The following APP variants were observed in gnomAD, a reference collection of about 807,000 sequenced individuals.
APP encodes the protein amyloid-beta precursor protein.
In APP, 31 loss-of-function variants were observed where a neutral mutation model predicts 101.4. The ratio of observed to expected loss-of-function variants is 0.31; its 90% CI spans 0.23 to 0.41. The LOEUF is 0.41. Ranked by LOEUF, APP falls within the 10% of genes least tolerant of loss-of-function variation. The pLI is 1.00. For missense variants in APP, 839 were observed against 1,003.7 expected, an observed-to-expected ratio of 0.84 and a Z score of 2.22; for synonymous variants, 366 against 364.4, an observed-to-expected ratio of 1.00 and a Z score of -0.05.
At chr21:26,119,978 CT>C (rs1264721303) in intron 1 of APP, among the ~76,000 whole-genome samples, 2 of 152,158 alleles carry the variant, frequency 1.3e-5, no homozygotes, top group African/African-American at 4.8e-5. Flanking sequence ...AAATCAAAAT[CT>C]ATTATTCCTC....
intron 8 of APP, among the ~76,000 whole-genome samples, chr21:25,986,058 T>G (rs540359139): frequency 1.3e-5 from 2 of 152,324 alleles, no homozygotes; most frequent in South Asian, 2.1e-4. Flanking sequence ...TGAATATCCT[T>G]ATATCCTAAA....
chr21:26,044,565 GT>G (rs1298522741), intron 5 of APP, among the ~76,000 whole-genome samples: 1 of 152,104 alleles, frequency 6.6e-6, no homozygotes, highest in Non-Finnish European at 1.5e-5. Context: ...TTGAGGTGGA[GT>G]TTCGCTCTTA....
chr21:26,019,246 G>T (rs1250721586), intron 6 of APP, among the ~76,000 whole-genome samples: 1 of 152,206 alleles, frequency 6.6e-6, no homozygotes, highest in Non-Finnish European at 1.5e-5. Flanking sequence ...GGCATTGAAG[G>T]TCTCTATATT....
rs2040115302 is a variant in APP at position 25,930,819 on chromosome 21, C to T, written c.1688-18857G>A. ...TATAGCAATGGTTCTTTCTCCTCTGCTTTAGCTTATTCACAAGCTTCTTTA... is the reference window on the plus strand; with the variant it reads ...TATAGCAATGGTTCTTTCTCCTCTGTTTTAGCTTATTCACAAGCTTCTTTA... On this transcript the variant is annotated intron_variant, in intron 13 of 17. Transcript: ENST00000346798. Among the ~76,000 whole-genome samples the T allele has an allele frequency of 1.3e-5, 2 of 152,188 alleles. 1 individual carries two copies. The highest frequency in any genetic ancestry group is 4.1e-4 in the South Asian group (2 of 4,834).
In APP at chr21:25,997,406, A is replaced by C. The variant is rs764164301; in HGVS notation, c.1044T>G (p.Ser348Arg). 2.5e-6 allele frequency: 4 copies of C among 1,612,980 alleles called. No individual in the cohort carries two copies. The African/African-American group carries it at 4.0e-5, about 16-fold the overall frequency. ...MAVCGSAMSQ[S>R]LLKTTQEPLA... ...GAGGTTCCTGGGTAGTCTTGAGTAA[A>C]CTTTGGGACACTATGGAAAAAATAA... The change falls in exon 8 of 18, where the codon AGT (serine) becomes AGG (arginine). Residue 348 changes from serine to arginine, a missense_variant. By Grantham distance (110) the Ser-to-Arg change is moderately radical. Transcript: ENST00000346798.
chr21:26,132,452 T>C (rs762878347), intron 1 of APP, among the ~76,000 whole-genome samples: 1 of 152,174 alleles, frequency 6.6e-6, no homozygotes, highest in Admixed American at 6.5e-5. Context: ...AGGCACTGAA[T>C]TAGACTTTTA....
chr21:26,048,861 T>C (rs1430355147), intron 5 of APP, among the ~76,000 whole-genome samples: 1 of 152,166 alleles, frequency 6.6e-6, no homozygotes, highest in Non-Finnish European at 1.5e-5. Flanking sequence ...AATATCTTTA[T>C]CATACATTAA....
At chr21:25,905,285 G>A (rs187240540) in intron 14 of APP, among the ~76,000 whole-genome samples, 4 of 152,306 alleles carry the variant, frequency 2.6e-5, no homozygotes, top group Non-Finnish European at 2.9e-5. Context: ...CGCTATTGAT[G>A]TGCCAGTCCT....
intron 15 of APP, among the ~76,000 whole-genome samples, chr21:25,902,141 C>G (rs1481662749): frequency 6.6e-6 from 1 of 152,086 alleles, no homozygotes; most frequent in African/African-American, 2.4e-5. Context: ...AAGCCATTTT[C>G]CTCAGTCATG....
intron 13 of APP, chr21:25,934,469 T>G (rs2040278765): frequency 6.6e-6 from 1 of 152,092 alleles, no homozygotes; most frequent in African/African-American, 2.4e-5. Context: ...GGAGTCTCGC[T>G]CCAGTCACCA....
intron 1 of APP, among the ~76,000 whole-genome samples, chr21:26,165,083 T>A (rs1029885122): frequency 6.6e-6 from 1 of 152,198 alleles, no homozygotes; most frequent in African/African-American, 2.4e-5. Context: ...AAATTGTATC[T>A]GAGATACCAT....
intron 17 of APP, among the ~76,000 whole-genome samples, chr21:25,884,042 C>T (rs2037164509): frequency 6.6e-6 from 1 of 152,154 alleles, no homozygotes; most frequent in Non-Finnish European, 1.5e-5. Flanking sequence ...CTACGCCTGG[C>T]TAATTTTTGT....
intron 14 of APP, among the ~76,000 whole-genome samples, chr21:25,906,803 A>C (rs1361379173): frequency 6.6e-6 from 1 of 152,228 alleles, no homozygotes; most frequent in Non-Finnish European, 1.5e-5. Context: ...ACTGCAGTTA[A>C]GAACACAACA....
chr21:26,150,082 A>G (rs2063233118), intron 1 of APP, among the ~76,000 whole-genome samples: 1 of 152,160 alleles, frequency 6.6e-6, no homozygotes, highest in Non-Finnish European at 1.5e-5. Context: ...TAATGTTATT[A>G]TTTTTACATG....
chr21:26,013,446 G>A (rs1267951428), intron 6 of APP, among the ~76,000 whole-genome samples: 4 of 150,760 alleles, frequency 2.7e-5, no homozygotes, highest in Non-Finnish European at 5.9e-5. Flanking sequence ...AAATTCTTGA[G>A]TTGAGTACAG....
intron 1 of APP, among the ~76,000 whole-genome samples, chr21:26,134,576 C>T (rs1035630961): frequency 6.6e-6 from 1 of 152,206 alleles, no homozygotes; most frequent in Non-Finnish European, 1.5e-5. Flanking sequence ...TTCCTGACAT[C>T]CAACCCTCCA....
chr21:26,130,563 T>C (rs1303121608), intron 1 of APP, among the ~76,000 whole-genome samples: 2 of 152,250 alleles, frequency 1.3e-5, no homozygotes, highest in African/African-American at 4.8e-5. Flanking sequence ...ATCAAGTTCC[T>C]TTCCATGTTT....
chr21:26,099,680 C>A (rs1283802341), intron 2 of APP, among the ~76,000 whole-genome samples: 3 of 152,168 alleles, frequency 2.0e-5, no homozygotes, highest in Admixed American at 6.5e-5. Context: ...AACAAAAATT[C>A]TTTTAATAAT....
rs188170233 is a variant in APP, at chr21:26,077,041, C to T, written c.355+12902G>A. Among the ~76,000 whole-genome samples, 721 of 139,684 alleles carry T rather than the reference C, an allele frequency of 5.2e-3. 9 individuals are homozygous for T. Among genetic ancestry groups the T allele is most frequent in the African/African-American group, 0.018 (662 of 36,854 alleles). 91.6% of individuals were successfully genotyped at this position (139,684 alleles called of 152,430 possible). A position where few individuals can be genotyped will look rare whatever the true frequency, so the allele number is the denominator to read the frequency against. ...CTGCGCCACTGCGCTCCAGCCTGGG[C>T]GACAGAGTGAGACTCTGTCTCAAAA... On this transcript the variant is annotated intron_variant, in intron 3 of 17. Transcript: ENST00000346798.
Sources: allele counts gnomAD v4.1 joint callset (sites outside exome capture counted in the v4.1 genomes callset), GRCh38; gene constraint gnomAD v4.1.1; transcripts MANE v1.5; gene names NCBI Gene and HGNC (gene_info 2026-07-23, HGNC 2026-07-21).